Variants in ALK observed in about 807,000 individuals in gnomAD.
ALK encodes the protein ALK receptor tyrosine kinase, also known as ALK tyrosine kinase receptor.
A neutral mutation model predicts 163.1 loss-of-function variants in ALK; 74 were observed. The observed-to-expected ratio is 0.45, with a 90% CI of 0.38 to 0.55. The LOEUF is 0.55. ALK is among the 20% of genes least tolerant of loss of function. The pLI, the probability that ALK is intolerant of heterozygous loss-of-function variation, is 0.00. For synonymous variants in ALK, 960 were observed against 843.2 expected, an observed-to-expected ratio of 1.14 and a Z score of -2.40; for missense variants, 2,063 against 2,105.3, an observed-to-expected ratio of 0.98 and a Z score of 0.39.
intron 3 of ALK, among the ~76,000 whole-genome samples, chr2:29,610,859 C>T (rs1675671547): frequency 6.6e-6 from 1 of 152,112 alleles, no homozygotes; most frequent in Non-Finnish European, 1.5e-5. Flanking sequence ...AGTTTTGTCA[C>T]TTGAATACAT....
intron 4 of ALK, among the ~76,000 whole-genome samples, chr2:29,511,325 T>A (rs1407268048): frequency 1.3e-5 from 2 of 152,184 alleles, no homozygotes; most frequent in African/African-American, 4.8e-5. Context: ...ACTGCCTTGC[T>A]CTCTGTCATT....
chr2:29,218,098 T>C (rs979520163), intron 23 of ALK, among the ~76,000 whole-genome samples: 4 of 152,148 alleles, frequency 2.6e-5, no homozygotes, highest in African/African-American at 9.7e-5. Flanking sequence ...CACATCTGCA[T>C]TGGTGGCTCT....
intron 1 of ALK, among the ~76,000 whole-genome samples, chr2:29,831,253 GGAAGAGGAAGAAGAA>G (rs1384412264): frequency 7.5e-4 from 10 of 13,326 alleles, no homozygotes; most frequent in African/African-American, 1.8e-3. Context: ...AAGAGGAAGA[GGAAGAGGAAGAAGAA>G]GAAGAAGAAG....
At chr2:29,425,394 G>C (rs1001425452) in intron 4 of ALK, among the ~76,000 whole-genome samples, 1 of 152,102 alleles carries the variant, frequency 6.6e-6, no homozygotes, top group African/African-American at 2.4e-5. Context: ...ATTTTCCCCA[G>C]CTACACAAGG....
At chr2:29,820,234 C>T (rs974524806) in intron 1 of ALK, among the ~76,000 whole-genome samples, 3 of 152,304 alleles carry the variant, frequency 2.0e-5, no homozygotes, top group Non-Finnish European at 4.4e-5. Flanking sequence ...CCAGCTGCCA[C>T]GCCATGAGCT....
intron 15 of ALK, among the ~76,000 whole-genome samples, chr2:29,231,799 T>C (rs1664215648): frequency 6.6e-6 from 1 of 152,220 alleles, no homozygotes. Context: ...CTGTCTCACA[T>C]TTCTGTGCTT....
chr2:29,372,136 G>A (rs769480678), intron 5 of ALK, among the ~76,000 whole-genome samples: 2 of 152,188 alleles, frequency 1.3e-5, no homozygotes, highest in Non-Finnish European at 2.9e-5. Flanking sequence ...CATGCTTTGG[G>A]AGCATTGCTA....
In ALK at chr2:29,807,027, T is replaced by A. The variant is rs150555626; in HGVS notation, c.668-89330A>T. ...GACAACCCGACCACCTAAAGTACTTTCAAATTTCACTTGGGAGCAATCCTT... is the reference window on the plus strand; with the variant it reads ...GACAACCCGACCACCTAAAGTACTTACAAATTTCACTTGGGAGCAATCCTT... On this transcript the variant is annotated intron_variant, in intron 1 of 28. Coordinates refer to ENST00000389048, the MANE Select transcript of ALK (RefSeq NM_004304.5). Among the ~76,000 whole-genome samples, 148 of 152,360 alleles carry A rather than the reference T, an allele frequency of 9.7e-4. 1 individual carries two copies. Among genetic ancestry groups the A allele is most frequent in the African/African-American group, 3.2e-3 (135 of 41,586 alleles).
rs535021347 is a variant in ALK, at chr2:29,227,721, A to T, written c.2816-49T>A. On this transcript the variant is annotated intron_variant, in intron 16 of 28. Transcript: ENST00000389048. This position sits in a 1 kb window ranked among gnomAD's most constrained non-coding sequence, Gnocchi z 4.4. ...TTTAACATGGGGGGTGGGTGCCAAAATCTTAACACACACACACGTCAGTGG... is the reference window on the plus strand; with the variant it reads ...TTTAACATGGGGGGTGGGTGCCAAATTCTTAACACACACACACGTCAGTGG... 36 of 1,422,712 alleles carry T rather than the reference A, an allele frequency of 2.5e-5. 1 individual carries two copies. The South Asian group carries it at 3.9e-4, about 15-fold the overall frequency. 88.1% of individuals were successfully genotyped at this position (1,422,712 alleles called of 1,614,324 possible).
At chr2:29,603,090 C>T (rs1361935581) in intron 3 of ALK, among the ~76,000 whole-genome samples, 5 of 152,172 alleles carry the variant, frequency 3.3e-5, no homozygotes, top group African/African-American at 1.2e-4. Flanking sequence ...TATCCAAAGA[C>T]TTGGAATCAA....
At chr2:29,343,463 C>T (rs1667860606) in intron 5 of ALK, among the ~76,000 whole-genome samples, 1 of 152,060 alleles carries the variant, frequency 6.6e-6, no homozygotes, top group African/African-American at 2.4e-5. Flanking sequence ...AATCCTCCTG[C>T]TTTAGCCTCC....
intron 26 of ALK, among the ~76,000 whole-genome samples, chr2:29,204,224 TAATG>T (rs1669257254): frequency 6.6e-6 from 1 of 152,196 alleles, no homozygotes; most frequent in African/African-American, 2.4e-5. Context: ...GTGTTACAAT[TAATG>T]AACCACAGTT....
At chr2:29,862,631 T>C (rs950900770) in intron 1 of ALK, among the ~76,000 whole-genome samples, 1 of 152,040 alleles carries the variant, frequency 6.6e-6, no homozygotes, top group African/African-American at 2.4e-5. Context: ...AAAACACAAA[T>C]AAATTTTAAA....
chr2:29,420,956 T>C (rs983950172), intron 4 of ALK, among the ~76,000 whole-genome samples: 1 of 151,508 alleles, frequency 6.6e-6, no homozygotes, highest in Non-Finnish European at 1.5e-5. Flanking sequence ...GGTCGCATGT[T>C]CTCCCCATCA....
intron 3 of ALK, among the ~76,000 whole-genome samples, chr2:29,584,120 T>TAA (rs368800382): frequency 2.0e-5 from 3 of 151,330 alleles, no homozygotes; most frequent in South Asian, 2.1e-4. Flanking sequence ...CCCAGGCTGC[T>TAA]AAAAAAAAAT....
At chr2:29,353,980 G>C (rs974098053) in intron 5 of ALK, among the ~76,000 whole-genome samples, 1 of 152,188 alleles carries the variant, frequency 6.6e-6, no homozygotes, top group Admixed American at 6.5e-5. Context: ...ACAGCCTTTG[G>C]TCCTTAAGCA....
chr2:29,501,432 C>T (rs927425805), intron 4 of ALK, among the ~76,000 whole-genome samples: 5 of 152,206 alleles, frequency 3.3e-5, no homozygotes, highest in Non-Finnish European at 5.9e-5. Flanking sequence ...AACTCTCCGA[C>T]GCTTCATTTC....
At chr2:29,521,596 A>G (rs989450447) in intron 4 of ALK, among the ~76,000 whole-genome samples, 13 of 152,190 alleles carry the variant, frequency 8.5e-5, no homozygotes, top group African/African-American at 3.1e-4. Flanking sequence ...GTCGTTCCCT[A>G]AATAAAACAA....
At chr2:29,842,141 G>T (rs932249959) in intron 1 of ALK, among the ~76,000 whole-genome samples, 3 of 151,822 alleles carry the variant, frequency 2.0e-5, no homozygotes, top group African/African-American at 7.3e-5. Flanking sequence ...GACTTTGAAG[G>T]AGAGCCTGCC....
Sources: allele counts gnomAD v4.1 joint callset (sites outside exome capture counted in the v4.1 genomes callset), GRCh38; gene constraint gnomAD v4.1.1; non-coding constraint Gnocchi (gnomAD v3.1); transcripts MANE v1.5; gene names NCBI Gene and HGNC (gene_info 2026-07-23, HGNC 2026-07-21).